The following DSG2 variants were observed in gnomAD, a reference collection of about 807,000 sequenced individuals.
DSG2 encodes desmoglein-2.
DSG2 carries 45 observed loss-of-function variants against 75.6 expected under a neutral mutation model. That is an observed-to-expected ratio of 0.60 (90% CI 0.47 to 0.76). DSG2 has a LOEUF of 0.76. Ranked by LOEUF, DSG2 falls within the 30% of genes least tolerant of loss-of-function variation. The probability of loss-of-function intolerance (pLI) is 0.00; values close to 1 mark genes in which losing one functional copy is unlikely to be tolerated. For missense variants in DSG2, 1,267 were observed against 1,357.4 expected (o/e 0.93, Z 1.05); for synonymous variants, 429 against 483.9 (o/e 0.89, Z 1.49).
chr18:31,512,233 A>AGGG (rs1568102503), intron 1 of DSG2, among the ~76,000 whole-genome samples: 1 of 151,624 alleles, frequency 6.6e-6, no homozygotes, highest in Non-Finnish European at 1.5e-5. Context: ...CCCTCTCCCC[A>AGGG]TTCTGTCTCA....
At chr18:31,535,159 T>G (rs2073221330) in intron 9 of DSG2, 111 bp from the exon 10 acceptor site, 2 of 802,424 alleles carry the variant, frequency 2.5e-6, no homozygotes, top group Non-Finnish European at 4.1e-6. Flanking sequence ...CAAATGCCTG[T>G]AATAAGAACA....
chr18:31,527,125 A>G (rs995869792), intron 8 of DSG2, among the ~76,000 whole-genome samples: 2 of 152,184 alleles, frequency 1.3e-5, no homozygotes, highest in Non-Finnish European at 1.5e-5. Flanking sequence ...CCATTTTTCA[A>G]ATCTTTACTA....
intron 1 of DSG2, among the ~76,000 whole-genome samples, chr18:31,513,056 C>A (rs1446105059): frequency 6.6e-6 from 1 of 152,132 alleles, no homozygotes; most frequent in African/African-American, 2.4e-5. Flanking sequence ...TCATATATTT[C>A]TTTAATTTGC....
chr18:31,520,563 A>AT (rs1181537968), intron 3 of DSG2, among the ~76,000 whole-genome samples: 1 of 152,138 alleles, frequency 6.6e-6, no homozygotes, highest in African/African-American at 2.4e-5. Context: ...ACCACACACT[A>AT]TCAGTTCTAT....
Position 31,548,651 on chromosome 18 carries a change from C to CA in DSG2, c.*1911dup, listed in dbSNP as rs2073331916. 1.3e-5 allele frequency: 2 copies of CA among 152,180 alleles called. No individual in the cohort carries two copies. The highest frequency in any genetic ancestry group is 1.3e-4 in the Admixed American group (2 of 15,282). 9.4% of individuals were successfully genotyped at this position (152,180 alleles called of 1,614,324 possible). A position where few individuals can be genotyped will look rare whatever the true frequency, so the allele number is the denominator to read the frequency against. On this transcript the variant is annotated 3_prime_UTR_variant, in exon 15 of 15. Transcript: ENST00000261590. ...AAAATGTAAATATCACTTGTGTACT[C>CA]AAACAAAAGTTGGTCTTAAGCTTCC...
At position 31,536,354 on chromosome 18, in the gene DSG2, A is replaced by G; in HGVS notation, c.1576A>G (p.Ser526Gly). 1.2e-6 allele frequency: 2 copies of G among 1,614,220 alleles called. No homozygotes were observed. The highest frequency in any genetic ancestry group is 1.7e-6 in the Non-Finnish European group (2 of 1,180,042). ...AGAGGACCTGGATGGACACCCAAAC[A>G]GTGGCCCTTTCAGTTTCTCCGTCAT... ...TAEDLDGHPN[S>G]GPFSFSVIDK... The change falls in exon 11 of 15, where the codon AGT (serine) becomes GGT (glycine). Residue 526 changes from serine (S) to glycine (G), a missense_variant. By Grantham distance (56) the Ser-to-Gly change is moderately conservative. Transcript: ENST00000261590.
At position 31,521,247 on chromosome 18, in the gene DSG2, A is replaced by G. The variant is rs745492947; in HGVS notation, c.523+4A>G. 2 of 1,604,208 alleles carry G rather than the reference A, an allele frequency of 1.2e-6. No homozygotes were observed. Among genetic ancestry groups the G allele is most frequent in the Non-Finnish European group, 8.5e-7 (1 of 1,176,250 alleles). ...GTTGAAGAGTTGAGTGCAGCACGTA[A>G]GAGTCTTTTTTTTTTTTTTTAATAA... On this transcript the variant is annotated splice_donor_region_variant and intron_variant, in intron 5 of 14. Coordinates refer to ENST00000261590, the MANE Select transcript of DSG2 (RefSeq NM_001943.5).
intron 11 of DSG2, among the ~76,000 whole-genome samples, chr18:31,538,192 T>G (rs1285902504): frequency 6.6e-6 from 1 of 152,226 alleles, no homozygotes; most frequent in Non-Finnish European, 1.5e-5. Flanking sequence ...TTTGTTAATA[T>G]TCACTAAAAT....
intron 8 of DSG2, among the ~76,000 whole-genome samples, chr18:31,525,924 C>T (rs1218567029): frequency 1.3e-5 from 2 of 151,860 alleles, no homozygotes; most frequent in Non-Finnish European, 2.9e-5. Flanking sequence ...GGGCGGATCA[C>T]GAGGTCAGGA....
intron 1 of DSG2, among the ~76,000 whole-genome samples, chr18:31,499,289 T>A (rs1343652610): frequency 6.6e-6 from 1 of 152,188 alleles, no homozygotes; most frequent in Non-Finnish European, 1.5e-5. Context: ...ATTCACTATA[T>A]TCAAAGTTCT....
intron 14 of DSG2, 30 bp downstream of exon 14, chr18:31,542,882 G>T (rs761738684): frequency 9.2e-7 from 1 of 1,089,808 alleles, no homozygotes; most frequent in South Asian, 1.6e-5. Context: ...ATTGGTGGTG[G>T]GGGGTGGGGG....
At chr18:31,513,404 G>A (rs2073077335) in intron 1 of DSG2, among the ~76,000 whole-genome samples, 1 of 152,034 alleles carries the variant, frequency 6.6e-6, no homozygotes, top group Non-Finnish European at 1.5e-5. Flanking sequence ...TCTTTTGTAG[G>A]GTCTCCTGAT....
In DSG2 at chr18:31,498,229, C is replaced by T; in HGVS notation, c.-23C>T. 1 of 1,250,796 alleles carries T rather than the reference C, an allele frequency of 8.0e-7. No homozygotes were observed. Among genetic ancestry groups the T allele is most frequent in the Non-Finnish European group, 1.0e-6 (1 of 994,888 alleles). 77.5% of individuals were successfully genotyped at this position (1,250,796 alleles called of 1,614,324 possible). On this transcript the variant is annotated 5_prime_UTR_variant, in exon 1 of 15. Coordinates refer to ENST00000261590, the MANE Select transcript of DSG2 (RefSeq NM_001943.5). ...GCGGCGGCGCGGAGCGGTGCGGCGG[C>T]GGGAGGCGGAGGCGAGGGTGCGATG...
Position 31,541,280 on chromosome 18 carries a change from C to A in DSG2, c.1967C>A (p.Pro656His), listed in dbSNP as rs1288233995. 3.1e-6 allele frequency: 5 copies of A among 1,613,946 alleles called. No individual in the cohort carries two copies. In the Admixed American group the frequency reaches 8.3e-5, roughly 27 times the overall value. The change falls in exon 13 of 15, where the codon CCT (proline) becomes CAT (histidine). Residue 656 changes from proline to histidine, a missense_variant. Coordinates refer to ENST00000261590, the MANE Select transcript of DSG2 (RefSeq NM_001943.5). ...CCTGGCACCATAGAGATGCTGCATC[C>A]TTGGAATAATGAAGGAGCACCACCT... ...PIPGTIEMLH[P>H]WNNEGAPPED...
At chr18:31,542,994 T>C (rs371452041) in intron 14 of DSG2, 142 bp downstream of exon 14, 2 of 699,874 alleles carry the variant, frequency 2.9e-6, no homozygotes, top group South Asian at 2.5e-5. Context: ...GGAATACTTA[T>C]AGGCAATAAG....
At chr18:31,522,917 G>A (rs539719980) in intron 6 of DSG2, among the ~76,000 whole-genome samples, 9 of 152,212 alleles carry the variant, frequency 5.9e-5, no homozygotes, top group East Asian at 1.9e-4. Context: ...CATTTCTCTC[G>A]AACATTTCAC....
intron 14 of DSG2, 107 bp downstream of exon 14, chr18:31,542,959 G>GTTTTTTTTTTTTTT (rs10714882): frequency 3.1e-6 from 2 of 654,736 alleles, no homozygotes; most frequent in African/African-American, 2.0e-5. Flanking sequence ...GAGACTTTGG[G>GTTTTTTTTTTTTTT]TTTTTTTTTT....
Position 31,503,377 on chromosome 18 carries a change from A to C in DSG2, c.45+5081A>C, listed in dbSNP as rs140711618. Among the ~76,000 whole-genome samples, 145 of 152,286 alleles carry C rather than the reference A, an allele frequency of 9.5e-4. 1 individual carries two copies. In the East Asian group the frequency reaches 0.027, roughly 28 times the overall value. On this transcript the variant is annotated intron_variant, in intron 1 of 14. Coordinates refer to ENST00000261590, the MANE Select transcript of DSG2 (RefSeq NM_001943.5). ...TAAATTAGTGAGATGATATGAAGAGAAATAGATTCTAGGTAGAGAGAAGAG... is the reference window on the plus strand; with the variant it reads ...TAAATTAGTGAGATGATATGAAGAGCAATAGATTCTAGGTAGAGAGAAGAG...
Position 31,531,183 on chromosome 18 carries a change from C to G in DSG2, c.1211C>G (p.Ser404Ter), listed in dbSNP as rs546127303. The G allele has an allele frequency of 6.2e-7, 1 of 1,614,148 alleles. No individual in the cohort carries two copies. Among genetic ancestry groups the G allele is most frequent in the Admixed American group, 1.7e-5 (1 of 60,022 alleles). ...TATGTTAGCGAGAGCATGGATAGATCAAGCAAAGGCCAAATAATTGGAAAT... is the reference window on the plus strand; with the variant it reads ...TATGTTAGCGAGAGCATGGATAGATGAAGCAAAGGCCAAATAATTGGAAAT... ...SIYVSESMDR[S>*]SKGQIIGNFQ... Residue 404 changes from serine to a stop codon, truncating the protein, a stop_gained, in exon 9 of 15, where the codon TCA becomes TGA. Coordinates refer to ENST00000261590, the MANE Select transcript of DSG2 (RefSeq NM_001943.5). LOFTEE classifies it high-confidence loss of function.
Sources: allele counts gnomAD v4.1 joint callset (sites outside exome capture counted in the v4.1 genomes callset), GRCh38; gene constraint gnomAD v4.1.1; transcripts MANE v1.5; gene names NCBI Gene and HGNC (gene_info 2026-07-23, HGNC 2026-07-21).